Variants in PDE4D observed in about 807,000 individuals in gnomAD.
PDE4D encodes the protein 3',5'-cyclic-AMP phosphodiesterase 4D.
In PDE4D, 24 loss-of-function variants were observed where a neutral mutation model predicts 87.4. That is an observed-to-expected ratio of 0.27 (90% CI 0.20 to 0.39). The LOEUF (loss-of-function observed/expected upper bound fraction) is 0.39, where lower values mean the gene tolerates loss of function less well. Among genes scored for constraint, PDE4D ranks in the 10% least tolerant of loss-of-function variants. The probability of loss-of-function intolerance (pLI) is 1.00; values close to 1 mark genes in which losing one functional copy is unlikely to be tolerated. For synonymous variants in PDE4D, 384 were observed against 383.2 expected (o/e 1.00, Z -0.02); for missense variants, 714 against 1,041.0 (o/e 0.69, Z 4.32).
chr5:60,494,384 C>T (rs1309399006), intron 1 of PDE4D, among the ~76,000 whole-genome samples: 1 of 152,204 alleles, frequency 6.6e-6, no homozygotes, highest in African/African-American at 2.4e-5. Context: ...AGCCTCACCA[C>T]CTGCAGCACT....
intron 3 of PDE4D, among the ~76,000 whole-genome samples, chr5:59,907,618 T>TGTGG (rs1281667371): frequency 6.6e-6 from 1 of 152,150 alleles, no homozygotes; most frequent in Non-Finnish European, 1.5e-5. Context: ...GAAAATACTA[T>TGTGG]GTGGCAAGTT....
chr5:60,443,689 T>A (rs1745420263), intron 1 of PDE4D, among the ~76,000 whole-genome samples: 1 of 152,220 alleles, frequency 6.6e-6, no homozygotes, highest in Admixed American at 6.5e-5. Flanking sequence ...AAGAACTAGC[T>A]AAAATTAGGC....
intron 1 of PDE4D, among the ~76,000 whole-genome samples, chr5:59,494,141 A>C (rs1806712065): frequency 6.6e-6 from 1 of 152,190 alleles, no homozygotes. Context: ...ACAGAATGTA[A>C]TGCTTTGGGT....
At chr5:60,279,514 T>A (rs1751685593) in intron 1 of PDE4D, among the ~76,000 whole-genome samples, 1 of 152,120 alleles carries the variant, frequency 6.6e-6, no homozygotes, top group South Asian at 2.1e-4. Flanking sequence ...TAGATGTGAC[T>A]GGGTCCACAA....
chr5:60,044,628 T>C (rs1768979387), intron 2 of PDE4D, among the ~76,000 whole-genome samples: 2 of 152,116 alleles, frequency 1.3e-5, no homozygotes, highest in African/African-American at 4.8e-5. Context: ...GGTTTTTTGT[T>C]CTTGCGATAG....
At chr5:59,395,332 C>T (rs924382818) in intron 1 of PDE4D, among the ~76,000 whole-genome samples, 6 of 152,184 alleles carry the variant, frequency 3.9e-5, no homozygotes, top group Admixed American at 3.9e-4. Flanking sequence ...ACTTAAATGT[C>T]CCTGTCTGAC....
At chr5:60,193,706 AAAAAG>A (rs1237591483) in intron 1 of PDE4D, among the ~76,000 whole-genome samples, 1 of 150,624 alleles carries the variant, frequency 6.6e-6, no homozygotes, top group Non-Finnish European at 1.5e-5. Flanking sequence ...AGAAAAAGAA[AAAAAG>A]AAAAGAAAAA....
rs1444001463 is a variant in PDE4D, at chr5:59,399,013, C to G, written c.456-183045G>C. Among the ~76,000 whole-genome samples, 2 of 119,796 alleles carry G rather than the reference C, an allele frequency of 1.7e-5. 1 individual carries two copies. Among genetic ancestry groups the G allele is most frequent in the Non-Finnish European group, 3.6e-5 (2 of 56,256 alleles). The allele number at this position is 119,796 out of a possible 152,430, so 78.6% of individuals were successfully genotyped here. ...CAAAGAGAATAAAACACCTAGGAAT[C>G]CAACTTACAAGCGACATGAAGGACT... On this transcript the variant is annotated intron_variant, in intron 1 of 14. Coordinates refer to ENST00000340635, the MANE Select transcript of PDE4D (RefSeq NM_001104631.2).
chr5:59,278,259 T>G (rs974199218), intron 1 of PDE4D, among the ~76,000 whole-genome samples: 2 of 152,044 alleles, frequency 1.3e-5, no homozygotes, highest in African/African-American at 4.8e-5. Context: ...CTGAAAAGCT[T>G]CCCCAAATGG....
chr5:59,493,157 T>C lies in PDE4D; in HGVS notation c.456-277189A>G, dbSNP rs112969758. ...TGGTACCAAACTCTGAGTTTTTTTA[T>C]TGCAATATTTTAGGCATTTTGGCAA... is the stretch of plus-strand genomic sequence containing the variant. On this transcript the variant is annotated intron_variant, in intron 1 of 14. Coordinates refer to ENST00000340635, the MANE Select transcript of PDE4D (RefSeq NM_001104631.2). Among the ~76,000 whole-genome samples, 240 of 152,288 alleles carry C rather than the reference T, an allele frequency of 1.6e-3. 2 individuals carry two copies. The highest frequency in any genetic ancestry group is 5.5e-3 in the African/African-American group (230 of 41,562).
intron 1 of PDE4D, among the ~76,000 whole-genome samples, chr5:59,439,849 T>C (rs1797331799): frequency 6.6e-6 from 1 of 152,096 alleles, no homozygotes; most frequent in South Asian, 2.1e-4. Flanking sequence ...AAACACTCTG[T>C]AGAGGTAAGC....
chr5:59,958,367 T>G (rs1759092531), intron 3 of PDE4D, among the ~76,000 whole-genome samples: 1 of 152,132 alleles, frequency 6.6e-6, no homozygotes. Flanking sequence ...TCCAAAAGGA[T>G]ATATTACCAA....
At chr5:59,036,573 T>TG (rs1388583117) in intron 6 of PDE4D, among the ~76,000 whole-genome samples, 1 of 152,240 alleles carries the variant, frequency 6.6e-6, no homozygotes, top group Non-Finnish European at 1.5e-5. Context: ...TTTGTGGATG[T>TG]GGCTTATTCA....
chr5:59,507,679 A>AAAAAAG (rs61334148), intron 1 of PDE4D, among the ~76,000 whole-genome samples: 4,522 of 118,254 alleles, frequency 0.038, 166 homozygotes, highest in Admixed American at 0.06. Context: ...AAAAAAAAAA[A>AAAAAAG]AAAAGAAAAG....
intron 1 of PDE4D, among the ~76,000 whole-genome samples, chr5:59,634,416 A>C (rs748542324): frequency 1.3e-5 from 2 of 152,218 alleles, no homozygotes; most frequent in Non-Finnish European, 2.9e-5. Context: ...TCTCCACCAC[A>C]AATCAACAGA....
At chr5:59,477,976 G>T (rs1262578250) in intron 1 of PDE4D, among the ~76,000 whole-genome samples, 2 of 152,062 alleles carry the variant, frequency 1.3e-5, no homozygotes, top group East Asian at 1.9e-4. Context: ...TCACTTGTAA[G>T]TGGGAGCTAA....
chr5:60,164,139 A>G (rs768787473), intron 2 of PDE4D, among the ~76,000 whole-genome samples: 2 of 152,180 alleles, frequency 1.3e-5, no homozygotes, highest in Admixed American at 6.5e-5. Flanking sequence ...AAATAATTTA[A>G]TAAAAATAAA....
intron 1 of PDE4D, among the ~76,000 whole-genome samples, chr5:59,262,890 C>T (rs549478828): frequency 6.6e-5 from 10 of 151,870 alleles, no homozygotes; most frequent in African/African-American, 2.2e-4. Flanking sequence ...AAGAGTCATT[C>T]GAGCAGTCAG....
intron 1 of PDE4D, among the ~76,000 whole-genome samples, chr5:60,494,998 AC>A (rs1337195025): frequency 1.3e-5 from 2 of 152,080 alleles, no homozygotes; most frequent in South Asian, 4.2e-4. Context: ...AACCTGTACC[AC>A]ACCTGTAAGT....
Sources: allele counts gnomAD v4.1 joint callset (sites outside exome capture counted in the v4.1 genomes callset), GRCh38; gene constraint gnomAD v4.1.1; transcripts MANE v1.5; gene names NCBI Gene and HGNC (gene_info 2026-07-23, HGNC 2026-07-21).